Variants in GALNT17 observed in about 807,000 individuals in gnomAD.
GALNT17 encodes the protein UDP-GalNAc:polypeptide N-acetylgalactosaminyltransferase-like 3.
A neutral mutation model predicts 63.7 loss-of-function variants in GALNT17; 29 were observed. That is an observed-to-expected ratio of 0.46 (90% CI 0.34 to 0.62). The LOEUF (loss-of-function observed/expected upper bound fraction) is 0.62. Among genes scored for constraint, GALNT17 ranks in the 20% least tolerant of loss-of-function variants. The pLI is 0.01. For missense variants in GALNT17, 603 were observed against 799.6 expected (o/e 0.75, Z 2.97); for synonymous variants, 305 against 318.3 (o/e 0.96, Z 0.45).
intron 2 of GALNT17, among the ~76,000 whole-genome samples, chr7:71,383,426 T>C (rs1347908314): frequency 6.6e-6 from 1 of 152,234 alleles, no homozygotes; most frequent in Non-Finnish European, 1.5e-5. Context: ...GTTACGCTTA[T>C]TGATTTTATA....
intron 2 of GALNT17, among the ~76,000 whole-genome samples, chr7:71,345,147 G>GTT (rs67919212): frequency 1.5e-3 from 204 of 139,440 alleles, no homozygotes; most frequent in African/African-American, 5.1e-3. Context: ...GTTGTTTTTT[G>GTT]TTTTTTTTTT....
intron 3 of GALNT17, among the ~76,000 whole-genome samples, chr7:71,414,647 T>C (rs1278177073): frequency 1.3e-5 from 2 of 152,166 alleles, no homozygotes; most frequent in East Asian, 3.9e-4. Context: ...GGAGCTGACA[T>C]CCTGTTCCTG....
At chr7:71,311,158 T>C (rs1791407971) in intron 1 of GALNT17, among the ~76,000 whole-genome samples, 5 of 152,194 alleles carry the variant, frequency 3.3e-5, no homozygotes, top group Admixed American at 3.3e-4. Flanking sequence ...ATCTGGAGCC[T>C]GGGCTTGCTA....
At chr7:71,704,088 T>G (rs1349634607) in intron 9 of GALNT17, among the ~76,000 whole-genome samples, 2 of 152,024 alleles carry the variant, frequency 1.3e-5, no homozygotes, top group Non-Finnish European at 2.9e-5. Context: ...GTGGGTGTGG[T>G]CAGTTGGCAC....
At chr7:71,335,818 T>C in intron 2 of GALNT17, 85 bp downstream of exon 2, 1 of 1,192,126 alleles carries the variant, frequency 8.4e-7, no homozygotes, top group Non-Finnish European at 1.1e-6. Context: ...TTTCCACTGT[T>C]ATTTGTAACT....
intron 6 of GALNT17, among the ~76,000 whole-genome samples, chr7:71,650,200 A>C (rs559963141): frequency 6.6e-6 from 1 of 152,284 alleles, no homozygotes; most frequent in East Asian, 1.9e-4. Context: ...TGCCAGAGAG[A>C]GTGATCACAA....
chr7:71,255,370 A>C (rs1583803066), intron 1 of GALNT17, among the ~76,000 whole-genome samples: 1 of 152,292 alleles, frequency 6.6e-6, no homozygotes. Context: ...TGTGAGATGT[A>C]CCTTTCACCT....
At chr7:71,229,977 C>A (rs185599178) in intron 1 of GALNT17, among the ~76,000 whole-genome samples, 1 of 152,164 alleles carries the variant, frequency 6.6e-6, no homozygotes, top group African/African-American at 2.4e-5. Flanking sequence ...TCAGGCATTG[C>A]CCAGCACAGG....
At chr7:71,685,914 G>GT (rs5884855) in intron 9 of GALNT17, among the ~76,000 whole-genome samples, 20 of 118,660 alleles carry the variant, frequency 1.7e-4, no homozygotes, top group African/African-American at 5.6e-4. Context: ...AGGTTCTTGG[G>GT]TTTTTTTTTT....
At position 71,132,985 on chromosome 7, in the gene GALNT17, T is replaced by A. The variant is rs1787713534; in HGVS notation, c.183T>A (p.Asp61Glu). ...CGCACAGCGCCAGCCCCATCCAGGA[T>A]GCGGTCCTGAAGCGCCTGTCGCTGC... ...LSAHSASPIQDAVLKRLSLLE... is the reference protein window; with the variant it reads ...LSAHSASPIQEAVLKRLSLLE... Residue 61 changes from aspartate to glutamate, a missense_variant, in exon 1 of 11, where the codon GAT (aspartate) becomes GAA (glutamate). Transcript: ENST00000333538. The A allele has an allele frequency of 1.2e-6, 2 of 1,608,142 alleles. No homozygotes were observed. Among genetic ancestry groups the A allele is most frequent in the African/African-American group, 2.7e-5 (2 of 74,758 alleles).
chr7:71,398,240 T>C (rs1164831677), intron 3 of GALNT17, among the ~76,000 whole-genome samples: 4 of 152,098 alleles, frequency 2.6e-5, no homozygotes, highest in Non-Finnish European at 1.5e-5. Flanking sequence ...TCAGCATCTT[T>C]CATTATTCTA....
chr7:71,482,312 G>A (rs955801675), intron 5 of GALNT17, among the ~76,000 whole-genome samples: 2 of 152,052 alleles, frequency 1.3e-5, no homozygotes. Context: ...ACCACGCCAG[G>A]TGATTTTTTG....
chr7:71,155,290 T>C (rs1448831863), intron 1 of GALNT17, among the ~76,000 whole-genome samples: 1 of 151,754 alleles, frequency 6.6e-6, no homozygotes, highest in Non-Finnish European at 1.5e-5. Flanking sequence ...ATTTTTCTTT[T>C]GGAGACAGGG....
At chr7:71,429,336 A>G (rs1157016757) in intron 5 of GALNT17, among the ~76,000 whole-genome samples, 1 of 152,186 alleles carries the variant, frequency 6.6e-6, no homozygotes, top group Non-Finnish European at 1.5e-5. Flanking sequence ...GGGAAAGGTC[A>G]TGCTGTCTGA....
intron 9 of GALNT17, among the ~76,000 whole-genome samples, chr7:71,698,796 A>C (rs1238433234): frequency 6.6e-6 from 1 of 152,142 alleles, no homozygotes; most frequent in East Asian, 1.9e-4. Context: ...AATGGATTTA[A>C]CTCTTCAGTT....
intron 6 of GALNT17, among the ~76,000 whole-genome samples, chr7:71,580,394 A>G (rs61334736): frequency 0.048 from 7,051 of 145,856 alleles, 279 homozygotes; most frequent in African/African-American, 0.11. Context: ...AAATTGATAG[A>G]TGGATGATAG....
At chr7:71,452,506 C>T (rs1287794224) in intron 5 of GALNT17, among the ~76,000 whole-genome samples, 1 of 150,632 alleles carries the variant, frequency 6.6e-6, no homozygotes, top group East Asian at 2.0e-4. Flanking sequence ...AAGGTCACAC[C>T]ATTGCACCCA....
chr7:71,173,688 G>A (rs1160004004), intron 1 of GALNT17, among the ~76,000 whole-genome samples: 1 of 151,776 alleles, frequency 6.6e-6, no homozygotes, highest in Non-Finnish European at 1.5e-5. Flanking sequence ...CAGGAGGATC[G>A]CTTGAACCTG....
chr7:71,380,378 C>A (rs1792822678), intron 2 of GALNT17, among the ~76,000 whole-genome samples: 1 of 151,976 alleles, frequency 6.6e-6, no homozygotes, highest in Admixed American at 6.6e-5. Context: ...TTCTGTTGAC[C>A]AGGCTGGAGT....
Sources: gnomAD v4.1 joint callset for allele counts (sites outside exome capture counted in the v4.1 genomes callset) on GRCh38, gnomAD v4.1.1 for gene constraint, MANE v1.5 for transcripts, NCBI Gene and HGNC (gene_info 2026-07-23, HGNC 2026-07-21) for gene names.